The following CLCA2 variants were observed in gnomAD, a reference collection of about 807,000 sequenced individuals.
CLCA2 encodes calcium-activated chloride channel regulator 2.
Under a neutral mutation model 82.9 loss-of-function variants are expected in CLCA2, and 85 were observed. The ratio of observed to expected loss-of-function variants is 1.03; its 90% CI spans 0.86 to 1.23. The LOEUF is 1.23. Ranked by LOEUF, CLCA2 falls within the 50% of genes most tolerant of loss-of-function variation. The pLI is 0.00. For synonymous variants in CLCA2, 421 were observed against 391.7 expected (o/e 1.07, Z -0.88); for missense variants, 1,089 against 1,124.8 (o/e 0.97, Z 0.45).
intron 12 of CLCA2, among the ~76,000 whole-genome samples, chr1:86,452,017 T>C (rs1298480573): frequency 6.6e-6 from 1 of 152,084 alleles, no homozygotes; most frequent in Admixed American, 6.6e-5. Context: ...TAAATTTAGC[T>C]AAAATCTCTT....
intron 1 of CLCA2, among the ~76,000 whole-genome samples, chr1:86,425,032 A>C (rs1184159938): frequency 4.6e-5 from 7 of 152,200 alleles, no homozygotes; most frequent in African/African-American, 2.4e-5. Context: ...TGTGGTCTTG[A>C]ATGTGCCCAC....
Position 86,441,453 on chromosome 1 carries a change from TG to T in CLCA2, c.1399del (p.Val467PhefsTer10). ...SRLTGGLKFF[V>X]PDISNSNSMI... The stretch of plus-strand genomic sequence containing the variant: ...GTATTTCAGGAGGTTTAAAGTTCTT[TG>T]TTCCAGATATATCAAACTCCAATAG... On this transcript the variant is annotated frameshift_variant, in exon 9 of 14. Transcript: ENST00000370565. LOFTEE classifies it high-confidence loss of function. 6.2e-7 allele frequency: 1 copy of T among 1,601,750 alleles called. No homozygotes were observed. The highest frequency in any genetic ancestry group is 8.5e-7 in the Non-Finnish European group (1 of 1,170,488).
intron 5 of CLCA2, among the ~76,000 whole-genome samples, chr1:86,432,766 G>GA (rs1481752573): frequency 6.6e-6 from 1 of 152,128 alleles, no homozygotes; most frequent in Non-Finnish European, 1.5e-5. Flanking sequence ...GGACTCTGGG[G>GA]ACCACAAAAT....
Position 86,432,483 on chromosome 1 carries a change from C to T in CLCA2, c.699C>T (p.Thr233=), listed in dbSNP as rs1417662714. 1 of 1,613,854 alleles carries T rather than the reference C, an allele frequency of 6.2e-7. No individual in the cohort carries two copies. Among genetic ancestry groups the T allele is most frequent in the Admixed American group, 1.7e-5 (1 of 60,008 alleles). The change falls in exon 5 of 14, where the codon ACC becomes ACT. Residue 233 remains threonine (T), a synonymous_variant. Coordinates refer to ENST00000370565, the MANE Select transcript of CLCA2 (RefSeq NM_006536.7). ...KEGCTFIYNS[T]QNATASIMFM... Reference sequence around the variant, plus strand: ...GATGCACCTTTATCTACAATAGCACCCAAAATGCAACTGCATCAATAATGT... The same window carrying T: ...GATGCACCTTTATCTACAATAGCACTCAAAATGCAACTGCATCAATAATGT...
At position 86,455,736 on chromosome 1, in the gene CLCA2, TAAA is replaced by T. The variant is rs1311403532; in HGVS notation, c.*212_*214del. On this transcript the variant is annotated 3_prime_UTR_variant, in exon 14 of 14. Transcript: ENST00000370565. ...TTACACTTTGGCTATGAACAAATAA[TAAA>T]AATTATTCTTTAAAGTAATGTCTTT... 2 of 311,868 alleles carry T rather than the reference TAAA, an allele frequency of 6.4e-6. No individual in the cohort carries two copies. Among genetic ancestry groups the T allele is most frequent in the Non-Finnish European group, 1.2e-5 (2 of 173,426 alleles). 19.3% of individuals were successfully genotyped at this position (311,868 alleles called of 1,614,324 possible).
At chr1:86,426,343 C>T (rs1380497449) in intron 2 of CLCA2, among the ~76,000 whole-genome samples, 1 of 152,206 alleles carries the variant, frequency 6.6e-6, no homozygotes, top group East Asian at 1.9e-4. Flanking sequence ...TTCCCCTTTC[C>T]TTATTTCTGA....
intron 1 of CLCA2, 58 bp downstream of exon 1, chr1:86,424,491 A>G (rs1662350266): frequency 7.0e-7 from 1 of 1,436,484 alleles, no homozygotes; most frequent in Non-Finnish European, 9.4e-7. Flanking sequence ...CTGTAGCCTT[A>G]TTTAGAAGCT....
rs1663076908 is a variant in CLCA2 at position 86,456,323 on chromosome 1, AAAG to A, written c.*801_*803del. 6.6e-6 allele frequency: 1 copy of A among 152,226 alleles called. No individual in the cohort carries two copies. Among genetic ancestry groups the A allele is most frequent in the African/African-American group, 2.4e-5 (1 of 41,460 alleles). 9.4% of individuals were successfully genotyped at this position (152,226 alleles called of 1,614,324 possible). ...ACATATAGTTTTATTCAATTAAACCAAAGAAGAGGTCAGCAGGGAGATACTAAC... is the reference window on the plus strand; with the variant it reads ...ACATATAGTTTTATTCAATTAAACCAAAGAGGTCAGCAGGGAGATACTAAC... On this transcript the variant is annotated 3_prime_UTR_variant, in exon 14 of 14. Coordinates refer to ENST00000370565, the MANE Select transcript of CLCA2 (RefSeq NM_006536.7).
At chr1:86,453,955 A>G (rs1280796516) in intron 13 of CLCA2, among the ~76,000 whole-genome samples, 1 of 152,164 alleles carries the variant, frequency 6.6e-6, no homozygotes, top group Non-Finnish European at 1.5e-5. Flanking sequence ...ATCTATTCAT[A>G]TATTTATCAG....
At chr1:86,434,796 G>A in intron 6 of CLCA2, 51 bp downstream of exon 6, 1 of 1,413,180 alleles carries the variant, frequency 7.1e-7, no homozygotes, top group Non-Finnish European at 1.0e-6. Context: ...TTTTCTATCA[G>A]TTCTTTATTA....
intron 9 of CLCA2, among the ~76,000 whole-genome samples, chr1:86,442,287 T>C (rs1299012488): frequency 6.6e-6 from 1 of 152,220 alleles, no homozygotes; most frequent in Non-Finnish European, 1.5e-5. Context: ...GAATTATATA[T>C]GACAATATCT....
intron 8 of CLCA2, among the ~76,000 whole-genome samples, chr1:86,440,928 C>A (rs1015358687): frequency 2.0e-5 from 3 of 152,048 alleles, no homozygotes; most frequent in Non-Finnish European, 2.9e-5. Flanking sequence ...AATGCACTAA[C>A]TTCTATAATA....
chr1:86,451,513 T>A (rs1198161532), intron 12 of CLCA2, among the ~76,000 whole-genome samples: 1 of 151,674 alleles, frequency 6.6e-6, no homozygotes, highest in Non-Finnish European at 1.5e-5. Flanking sequence ...ACCTCACCAG[T>A]ATCAAACACA....
Position 86,439,007 on chromosome 1 carries a change from C to G in CLCA2, c.1104C>G (p.Asn368Lys). The G allele has an allele frequency of 1.2e-6, 2 of 1,614,138 alleles. No individual in the cohort carries two copies. Among genetic ancestry groups the G allele is most frequent in the Non-Finnish European group, 1.7e-6 (2 of 1,180,002 alleles). The change falls in exon 7 of 14, where the codon AAC (asparagine) becomes AAG (lysine). Residue 368 changes from asparagine (N) to lysine (K), a missense_variant. Asn to Lys is a moderately conservative substitution (Grantham distance 94). Transcript: ENST00000370565. ...GEIRAQLHQI[N>K]SNDDRKLLVS... ...TCAGAGCCCAGCTACACCAAATTAA[C>G]AGCAATGATGATCGAAAGTTGCTGG... is the stretch of plus-strand genomic sequence containing the variant.
Position 86,440,298 on chromosome 1 carries a change from A to G in CLCA2, c.1354A>G (p.Asn452Asp), listed in dbSNP as rs768334665. ...SIALGSSAAPNLEELSRLTGG... is the reference protein window; with the variant it reads ...SIALGSSAAPDLEELSRLTGG... Reference sequence around the variant, plus strand: ...TGCCCTGGGTTCATCTGCAGCCCCAAATCTGGAGGAATTATCACGTCTTAC... The same window carrying G: ...TGCCCTGGGTTCATCTGCAGCCCCAGATCTGGAGGAATTATCACGTCTTAC... Residue 452 changes from asparagine to aspartate, a missense_variant, in exon 8 of 14, where the codon AAT becomes GAT. By Grantham distance (23) the Asn-to-Asp change is conservative. Coordinates refer to ENST00000370565, the MANE Select transcript of CLCA2 (RefSeq NM_006536.7). 4 of 1,613,972 alleles carry G rather than the reference A, an allele frequency of 2.5e-6. No homozygotes were observed. Among genetic ancestry groups the G allele is most frequent in the South Asian group, 1.1e-5 (1 of 91,002 alleles).
At position 86,456,440 on chromosome 1, in the gene CLCA2, G is replaced by C. The variant is rs1213721401; in HGVS notation, c.*913G>C. 2.0e-5 allele frequency: 3 copies of C among 152,146 alleles called. No homozygotes were observed. Among genetic ancestry groups the C allele is most frequent in the African/African-American group, 7.2e-5 (3 of 41,430 alleles). 9.4% of individuals were successfully genotyped at this position (152,146 alleles called of 1,614,324 possible). A position where few individuals can be genotyped will look rare whatever the true frequency, so the allele number is the denominator to read the frequency against. On this transcript the variant is annotated 3_prime_UTR_variant, in exon 14 of 14. Transcript: ENST00000370565. ...CAAGAGTTACTTACCAAGGGCAGGG[G>C]AAGGGGGATATAGAGGTCACAAGGA...
chr1:86,430,902 T>A lies in CLCA2; in HGVS notation c.516T>A (p.Gly172=), dbSNP rs754797637. Residue 172 remains glycine (G), a synonymous_variant, in exon 4 of 14, where the codon GGT becomes GGA. Transcript: ENST00000370565. ...FVHEWAHLRW[G]VFDEYNNDKP... ...ATGAATGGGCCCACCTCCGTTGGGG[T>A]GTGTTCGATGAGTATAACAATGACA... 6.2e-7 allele frequency: 1 copy of A among 1,613,768 alleles called. No individual in the cohort carries two copies.
chr1:86,447,386 A>T (rs2101709104), intron 10 of CLCA2, 122 bp from the exon 11 acceptor site: 1 of 983,852 alleles, frequency 1.0e-6, no homozygotes, highest in Non-Finnish European at 1.5e-6. Context: ...TTTTTGTAGT[A>T]TTTTAAAAAG....
intron 5 of CLCA2, among the ~76,000 whole-genome samples, 157 bp downstream of exon 5, chr1:86,432,685 C>A (rs777672907): frequency 6.6e-6 from 1 of 152,040 alleles, no homozygotes; most frequent in Non-Finnish European, 1.5e-5. Flanking sequence ...AAAATTGGAA[C>A]CCCCAAGATA....
Sources: gnomAD v4.1 joint callset for allele counts (sites outside exome capture counted in the v4.1 genomes callset) on GRCh38, gnomAD v4.1.1 for gene constraint, MANE v1.5 for transcripts, NCBI Gene and HGNC (gene_info 2026-07-23, HGNC 2026-07-21) for gene names.